PHKB: variants seen among roughly 807,000 people sequenced by gnomAD.
The protein encoded by PHKB is phosphorylase kinase regulatory subunit beta.
A neutral mutation model predicts 152.1 loss-of-function variants in PHKB; 122 were observed. That is an observed-to-expected ratio of 0.80 (90% CI 0.69 to 0.93). The LOEUF (loss-of-function observed/expected upper bound fraction) is 0.93. Ranked by LOEUF, PHKB falls within the 40% of genes least tolerant of loss-of-function variation. The pLI, the probability that PHKB is intolerant of heterozygous loss-of-function variation, is 0.00. For synonymous variants in PHKB, 436 were observed against 464.9 expected (o/e 0.94, Z 0.80); for missense variants, 1,304 against 1,328.4 (o/e 0.98, Z 0.29).
chr16:47,617,044 A>G (rs1440857830), intron 14 of PHKB, among the ~76,000 whole-genome samples: 2 of 151,516 alleles, frequency 1.3e-5, no homozygotes, highest in African/African-American at 2.4e-5. Context: ...TAAACCAACA[A>G]CCTTCCAGTG....
At chr16:47,582,298 C>T (rs559929404) in intron 8 of PHKB, among the ~76,000 whole-genome samples, 1 of 152,220 alleles carries the variant, frequency 6.6e-6, no homozygotes, top group East Asian at 1.9e-4. Flanking sequence ...TGTATGCACC[C>T]CTTCCTATTG....
At chr16:47,538,646 A>G (rs1317255609) in intron 6 of PHKB, among the ~76,000 whole-genome samples, 1 of 152,324 alleles carries the variant, frequency 6.6e-6, no homozygotes, top group South Asian at 2.1e-4. Flanking sequence ...CCTTCATGAG[A>G]TAACCTGGGT....
chr16:47,661,006 T>C (rs1367585949), intron 22 of PHKB, among the ~76,000 whole-genome samples, 187 bp downstream of exon 22: 2 of 152,174 alleles, frequency 1.3e-5, no homozygotes, highest in African/African-American at 4.8e-5. Context: ...ATGGATATCT[T>C]TAAAAATGCT....
intron 14 of PHKB, among the ~76,000 whole-genome samples, chr16:47,623,140 C>A (rs73551238): frequency 6.6e-6 from 1 of 151,926 alleles, no homozygotes; most frequent in Non-Finnish European, 1.5e-5. Context: ...AATAATGATC[C>A]CTAACTCAGG....
chr16:47,673,313 A>T (rs1173319873), intron 26 of PHKB, among the ~76,000 whole-genome samples: 2 of 152,164 alleles, frequency 1.3e-5, no homozygotes, highest in African/African-American at 4.8e-5. Flanking sequence ...TGAGCTAGTA[A>T]TGTGGAATTT....
intron 2 of PHKB, among the ~76,000 whole-genome samples, chr16:47,498,658 T>A (rs181711746): frequency 4.7e-4 from 72 of 152,324 alleles, no homozygotes; most frequent in African/African-American, 1.7e-3. Flanking sequence ...CCTAGCCCTT[T>A]GGGAGACCAG....
At chr16:47,531,365 G>T (rs756243508) in intron 6 of PHKB, among the ~76,000 whole-genome samples, 9 of 152,044 alleles carry the variant, frequency 5.9e-5, no homozygotes, top group Non-Finnish European at 1.2e-4. Context: ...TGATCTCAAG[G>T]TCCTTTATAT....
At chr16:47,647,864 G>A (rs1973162251) in intron 16 of PHKB, among the ~76,000 whole-genome samples, 1 of 152,074 alleles carries the variant, frequency 6.6e-6, no homozygotes, top group Admixed American at 6.5e-5. Flanking sequence ...GAATATATAT[G>A]AACCCATTTA....
At chr16:47,682,390 T>G (rs1043046854) in intron 26 of PHKB, among the ~76,000 whole-genome samples, 1 of 152,244 alleles carries the variant, frequency 6.6e-6, no homozygotes, top group Non-Finnish European at 1.5e-5. Flanking sequence ...CCCGTCACTT[T>G]CAGGTACACC....
intron 1 of PHKB, among the ~76,000 whole-genome samples, chr16:47,482,808 C>G (rs1597018949): frequency 6.6e-6 from 1 of 152,108 alleles, no homozygotes; most frequent in African/African-American, 2.4e-5. Flanking sequence ...GCAACCTCTG[C>G]CTCCTGGGCT....
chr16:47,543,429 C>T (rs530511112), intron 6 of PHKB, among the ~76,000 whole-genome samples: 2 of 152,210 alleles, frequency 1.3e-5, no homozygotes, highest in South Asian at 4.1e-4. Context: ...ATTTTTGCAT[C>T]GATGTTCTTC....
intron 1 of PHKB, chr16:47,462,758 TAAATCTAATTTCTGA>T (rs1046425273): frequency 4.0e-5 from 6 of 149,472 alleles, no homozygotes; most frequent in African/African-American, 1.5e-4. Context: ...TTGGAGAAAG[TAAATCTAATTTCTGA>T]AAATCTAATT....
At chr16:47,690,424 A>G (rs1304600094) in intron 27 of PHKB, among the ~76,000 whole-genome samples, 2 of 152,230 alleles carry the variant, frequency 1.3e-5, no homozygotes, top group Non-Finnish European at 2.9e-5. Context: ...AAAATTAAAA[A>G]CAACACTTTG....
chr16:47,567,017 G>A (rs987473889), intron 7 of PHKB: 8 of 389,330 alleles, frequency 2.1e-5, no homozygotes, highest in African/African-American at 1.7e-4. Context: ...TTTTAAGTCA[G>A]GTAATGTGAT....
At chr16:47,509,629 A>G (rs1181721038) in intron 4 of PHKB, among the ~76,000 whole-genome samples, 1 of 152,170 alleles carries the variant, frequency 6.6e-6, no homozygotes, top group Non-Finnish European at 1.5e-5. Flanking sequence ...TATTTAATTT[A>G]ATATAATTAA....
At chr16:47,552,163 A>T (rs1387716174) in intron 7 of PHKB, among the ~76,000 whole-genome samples, 7 of 152,014 alleles carry the variant, frequency 4.6e-5, no homozygotes, top group Non-Finnish European at 8.8e-5. Flanking sequence ...TTTACTCTTT[A>T]TCCAGTTTTC....
chr16:47,565,932 C>G, intron 7 of PHKB: 1 of 986,354 alleles, frequency 1.0e-6, no homozygotes, highest in Non-Finnish European at 1.5e-6. Context: ...TGGGGGACCT[C>G]TATCATCACG....
At chr16:47,530,438 C>T (rs1970842998) in intron 6 of PHKB, among the ~76,000 whole-genome samples, 1 of 152,138 alleles carries the variant, frequency 6.6e-6, no homozygotes, top group Non-Finnish European at 1.5e-5. Flanking sequence ...AGGGGAAAGC[C>T]ACTGCGCCTG....
chr16:47,674,498 T>C (rs1973693272), intron 26 of PHKB, among the ~76,000 whole-genome samples: 1 of 152,184 alleles, frequency 6.6e-6, no homozygotes, highest in Admixed American at 6.5e-5. Flanking sequence ...TATTCTAGGA[T>C]ACCTCTGGCA....
Sources: allele counts gnomAD v4.1 joint callset (sites outside exome capture counted in the v4.1 genomes callset), GRCh38; gene constraint gnomAD v4.1.1; transcripts MANE v1.5; gene names NCBI Gene and HGNC (gene_info 2026-07-23, HGNC 2026-07-21).